Variants in CSTPP1 observed in about 807,000 individuals in gnomAD.
The protein encoded by CSTPP1 is UPF0705 protein C11orf49.
the CSTPP1 span, among the ~76,000 whole-genome samples, chr11:47,025,836 T>C: frequency 6.6e-6 from 1 of 152,322 alleles, no homozygotes; most frequent in African/African-American, 2.4e-5. Flanking sequence ...ATGCCAAGCA[T>C]AGATATACAG....
At chr11:47,122,827 C>G in the CSTPP1 span, among the ~76,000 whole-genome samples, 1 of 152,140 alleles carries the variant, frequency 6.6e-6, no homozygotes, top group Non-Finnish European at 1.5e-5. Context: ...GATCCACCGG[C>G]CTCGGCCTCC....
the CSTPP1 span, among the ~76,000 whole-genome samples, chr11:47,068,509 G>A: frequency 6.6e-6 from 1 of 152,056 alleles, no homozygotes; most frequent in Non-Finnish European, 1.5e-5. Flanking sequence ...TCCAATATGG[G>A]TGACAGAGCA....
the CSTPP1 span, among the ~76,000 whole-genome samples, chr11:47,124,095 A>G: frequency 7.0e-6 from 1 of 143,640 alleles, no homozygotes; most frequent in Admixed American, 7.1e-5. Context: ...ACATTTTCAA[A>G]TAGTTCTTAA....
the CSTPP1 span, among the ~76,000 whole-genome samples, chr11:47,141,721 G>A: frequency 6.6e-6 from 1 of 151,846 alleles, no homozygotes; most frequent in African/African-American, 2.4e-5. Flanking sequence ...ATCATTTGAG[G>A]TCAGGAGTTC....
the CSTPP1 span, among the ~76,000 whole-genome samples, chr11:46,976,829 G>A: frequency 6.6e-6 from 1 of 152,110 alleles, no homozygotes; most frequent in African/African-American, 2.4e-5. Context: ...CCGAATCTAC[G>A]AGAAGTTGAC....
At chr11:47,164,054 G>A in the CSTPP1 span, 7 of 1,575,458 alleles carry the variant, frequency 4.4e-6, no homozygotes, top group Non-Finnish European at 6.0e-6. Flanking sequence ...GCGAGTTAAA[G>A]GGCCAACTAA....
At chr11:47,107,994 C>T in the CSTPP1 span, among the ~76,000 whole-genome samples, 6 of 152,344 alleles carry the variant, frequency 3.9e-5, no homozygotes, top group South Asian at 2.1e-4. Context: ...TGCGCATGTG[C>T]GCACACACAC....
At chr11:47,123,255 TG>T in the CSTPP1 span, 1 of 152,186 alleles carries the variant, frequency 6.6e-6, no homozygotes, top group African/African-American at 2.4e-5. Flanking sequence ...GGTGGTAAAC[TG>T]GCAACAGCAT....
At chr11:47,142,513 G>T in the CSTPP1 span, among the ~76,000 whole-genome samples, 1 of 152,214 alleles carries the variant, frequency 6.6e-6, no homozygotes, top group East Asian at 1.9e-4. Flanking sequence ...GCCCCTCAAA[G>T]AACTTGATAT....
At chr11:46,996,443 A>G in the CSTPP1 span, among the ~76,000 whole-genome samples, 1 of 152,008 alleles carries the variant, frequency 6.6e-6, no homozygotes, top group African/African-American at 2.4e-5. Flanking sequence ...AGCTGGGACT[A>G]CAGGCACGCG....
chr11:47,107,942 C>T, the CSTPP1 span, among the ~76,000 whole-genome samples: 2 of 152,220 alleles, frequency 1.3e-5, no homozygotes, highest in African/African-American at 4.8e-5. Flanking sequence ...TCTCTGTGGC[C>T]AGGCAAATAC....
At chr11:46,937,734 T>C in the CSTPP1 span, among the ~76,000 whole-genome samples, 2 of 152,158 alleles carry the variant, frequency 1.3e-5, no homozygotes, top group African/African-American at 4.8e-5. Flanking sequence ...AGACGGGGTT[T>C]CACCGTGTTA....
At chr11:46,957,837 C>T in the CSTPP1 span, among the ~76,000 whole-genome samples, 307 of 152,230 alleles carry the variant, frequency 2.0e-3, 1 homozygote, top group African/African-American at 7.1e-3. Context: ...CTTAACCTTT[C>T]CAATCCTTTT....
chr11:46,987,326 T>TA, the CSTPP1 span: 17 of 1,593,498 alleles, frequency 1.1e-5, no homozygotes, highest in Non-Finnish European at 1.5e-5. Context: ...TACATGAATG[T>TA]TGTACTAATA....
At chr11:47,063,494 C>T in the CSTPP1 span, among the ~76,000 whole-genome samples, 1 of 152,104 alleles carries the variant, frequency 6.6e-6, no homozygotes, top group Non-Finnish European at 1.5e-5. Context: ...TTCTCTCCTC[C>T]TCCAGTCCCT....
chr11:46,994,747 T>TA, the CSTPP1 span, among the ~76,000 whole-genome samples: 1 of 152,186 alleles, frequency 6.6e-6, no homozygotes, highest in Non-Finnish European at 1.5e-5. Context: ...CTTTTTTTGT[T>TA]ATGTCTCTGC....
the CSTPP1 span, among the ~76,000 whole-genome samples, chr11:47,003,646 A>G: frequency 6.6e-6 from 1 of 152,202 alleles, no homozygotes; most frequent in Non-Finnish European, 1.5e-5. Context: ...ATCAGATGCA[A>G]TGCTACCAGC....
chr11:47,071,758 A>T, the CSTPP1 span, among the ~76,000 whole-genome samples: 1 of 152,242 alleles, frequency 6.6e-6, no homozygotes, highest in African/African-American at 2.4e-5. Flanking sequence ...ACAAACTTTA[A>T]AAACTGTATT....
At chr11:46,977,025 A>G in the CSTPP1 span, among the ~76,000 whole-genome samples, 5 of 152,180 alleles carry the variant, frequency 3.3e-5, no homozygotes, top group African/African-American at 1.2e-4. Context: ...AGTGATGCTC[A>G]CACTCAAGAA....
Sources: allele counts gnomAD v4.1 joint callset (sites outside exome capture counted in the v4.1 genomes callset), GRCh38; gene constraint gnomAD v4.1.1; transcripts MANE v1.5; gene names NCBI Gene and HGNC (gene_info 2026-07-23, HGNC 2026-07-21).